Variants in METTL6 observed in about 807,000 individuals in gnomAD.
METTL6 encodes the protein tRNA N(3)-cytidine methyltransferase METTL6.
Under a neutral mutation model 26.4 loss-of-function variants are expected in METTL6, and 22 were observed. The ratio of observed to expected loss-of-function variants is 0.83; its 90% CI spans 0.59 to 1.19. The LOEUF is 1.19. Among genes scored for constraint, METTL6 ranks in the 50% most tolerant of loss-of-function variants. The pLI is 0.00. For missense variants in METTL6, 304 were observed against 324.8 expected (o/e 0.94, Z 0.49); for synonymous variants, 109 against 116.2 (o/e 0.94, Z 0.40).
chr3:15,391,365 A>C (rs1699340176), intron 6 of METTL6, among the ~76,000 whole-genome samples: 1 of 152,008 alleles, frequency 6.6e-6, no homozygotes, highest in Admixed American at 6.6e-5. Flanking sequence ...AGCGGGGGAG[A>C]TGTGATCTAG....
At chr3:15,413,915 G>C in intron 5 of METTL6, 106 bp downstream of exon 5, 1 of 1,575,014 alleles carries the variant, frequency 6.3e-7, no homozygotes. Context: ...TCAGGGTCTC[G>C]TGCACATGTC....
At chr3:15,424,401 G>T (rs1559499310) in intron 3 of METTL6, among the ~76,000 whole-genome samples, 1 of 152,092 alleles carries the variant, frequency 6.6e-6, no homozygotes, top group Non-Finnish European at 1.5e-5. Flanking sequence ...CAATTAGCTG[G>T]GATTACAGGT....
intron 5 of METTL6, 127 bp downstream of exon 5, chr3:15,413,894 G>T: frequency 6.5e-7 from 1 of 1,545,272 alleles, no homozygotes; most frequent in South Asian, 1.2e-5. Flanking sequence ...TTGTGCAGTA[G>T]AGGGCTTGTT....
chr3:15,402,303 G>A (rs967808925), intron 6 of METTL6, among the ~76,000 whole-genome samples: 3 of 152,174 alleles, frequency 2.0e-5, no homozygotes, highest in African/African-American at 7.2e-5. Flanking sequence ...TGGGCAGCAG[G>A]GCTAGGGAAT....
chr3:15,405,264 T>A (rs989710856), downstream of METTL6, among the ~76,000 whole-genome samples: 1 of 152,176 alleles, frequency 6.6e-6, no homozygotes, highest in Non-Finnish European at 1.5e-5. Flanking sequence ...ATCACAGACA[T>A]TACCTTAAAA....
At chr3:15,412,333 A>G (rs989887833) in intron 5 of METTL6, among the ~76,000 whole-genome samples, 1 of 152,100 alleles carries the variant, frequency 6.6e-6, no homozygotes, top group Admixed American at 6.6e-5. Context: ...AAAAATAAAG[A>G]CTCGTACTAA....
chr3:15,415,686 C>A, intron 4 of METTL6, 86 bp downstream of exon 4: 3 of 1,597,958 alleles, frequency 1.9e-6, no homozygotes, highest in Non-Finnish European at 2.6e-6. Flanking sequence ...CTATGTGAAT[C>A]TAGACAGTAC....
chr3:15,407,909 T>C (rs1699844057), downstream of METTL6, among the ~76,000 whole-genome samples: 1 of 152,188 alleles, frequency 6.6e-6, no homozygotes, highest in African/African-American at 2.4e-5. Flanking sequence ...GCCTCAGGTT[T>C]ATCGCATGGA....
chr3:15,420,196 A>G (rs367908227), intron 3 of METTL6, among the ~76,000 whole-genome samples: 80 of 152,308 alleles, frequency 5.3e-4, no homozygotes, highest in African/African-American at 1.9e-3. Flanking sequence ...ATTCCATGGA[A>G]TATTATAACA....
In METTL6 at chr3:15,426,607, G is replaced by A. The variant is rs940129356; in HGVS notation, c.-96C>T. On this transcript the variant is annotated 5_prime_UTR_variant, in exon 2 of 6. Transcript: ENST00000383790. ...ATGGATCAGATACATTTCCTGAGGTGAGTTTCACGCCTCAAACAGCACAGG... is the reference window on the plus strand; with the variant it reads ...ATGGATCAGATACATTTCCTGAGGTAAGTTTCACGCCTCAAACAGCACAGG... 3.4e-6 allele frequency: 4 copies of A among 1,171,226 alleles called. No homozygotes were observed. In the African/African-American group the frequency reaches 4.6e-5, roughly 13 times the overall value. The allele number at this position is 1,171,226 out of a possible 1,614,324, so 72.6% of individuals were successfully genotyped here. A position where few individuals can be genotyped will look rare whatever the true frequency, so the allele number is the denominator to read the frequency against.
downstream of METTL6, among the ~76,000 whole-genome samples, chr3:15,408,706 G>A (rs1176832856): frequency 2.6e-5 from 4 of 151,942 alleles, no homozygotes; most frequent in East Asian, 1.9e-4. Flanking sequence ...TCCCAAGTAG[G>A]TGGGACTACA....
At position 15,410,737 on chromosome 3, in the gene METTL6, C is replaced by T. The variant is rs1699932378; in HGVS notation, c.*519G>A. Among the ~76,000 whole-genome samples, 1 of 152,078 alleles carries T rather than the reference C, an allele frequency of 6.6e-6. No individual in the cohort carries two copies. The highest frequency in any genetic ancestry group is 1.5e-5 in the Non-Finnish European group (1 of 68,022). On this transcript the variant is annotated 3_prime_UTR_variant, in exon 6 of 6. Transcript: ENST00000383790. ...AAAAATTAAGGGCCAGGCATGGTGG[C>T]TTACACCTGTAGTCCTAGCTACTCA...
intron 6 of METTL6, among the ~76,000 whole-genome samples, chr3:15,389,975 C>T (rs2124898351): frequency 1.3e-5 from 2 of 150,368 alleles, no homozygotes; most frequent in South Asian, 2.1e-4. Context: ...AAGGGAGGCA[C>T]AGTACTGCCT....
At chr3:15,393,337 C>A (rs1405374053) in intron 6 of METTL6, among the ~76,000 whole-genome samples, 1 of 152,120 alleles carries the variant, frequency 6.6e-6, no homozygotes, top group Non-Finnish European at 1.5e-5. Context: ...GATTTTTGCA[C>A]ATCGATTTTG....
intron 5 of METTL6, 173 bp downstream of exon 5, chr3:15,413,848 G>A: frequency 2.0e-6 from 3 of 1,507,730 alleles, no homozygotes; most frequent in Non-Finnish European, 1.8e-6. Context: ...TCAAGGGCAG[G>A]GGCCAGGTCT....
At chr3:15,408,485 G>C (rs1286397205), downstream of METTL6, among the ~76,000 whole-genome samples, 1 of 151,580 alleles carries the variant, frequency 6.6e-6, no homozygotes, top group African/African-American at 2.4e-5. Flanking sequence ...ACAGGTTAAG[G>C]AATGAGGCCA....
intron 6 of METTL6, among the ~76,000 whole-genome samples, chr3:15,386,372 G>A (rs1042621525): frequency 6.6e-5 from 10 of 152,162 alleles, no homozygotes; most frequent in African/African-American, 2.4e-4. Flanking sequence ...GCAGGTTTAA[G>A]GCAGAGGGAG....
chr3:15,416,714 A>G (rs936628907), intron 3 of METTL6, among the ~76,000 whole-genome samples: 1 of 152,178 alleles, frequency 6.6e-6, no homozygotes, highest in African/African-American at 2.4e-5. Context: ...TTTTTTGACT[A>G]CAAATGTGTT....
intron 6 of METTL6, among the ~76,000 whole-genome samples, chr3:15,401,760 G>A (rs180976250): frequency 3.4e-4 from 52 of 152,230 alleles, no homozygotes; most frequent in African/African-American, 1.1e-3. Flanking sequence ...CAAATGCCTA[G>A]AAGTTACCCT....
Sources: allele counts gnomAD v4.1 joint callset (sites outside exome capture counted in the v4.1 genomes callset), GRCh38; gene constraint gnomAD v4.1.1; transcripts MANE v1.5; gene names NCBI Gene and HGNC (gene_info 2026-07-23, HGNC 2026-07-21).